LASP1NB: variants seen among roughly 807,000 people sequenced by gnomAD.
The protein encoded by LASP1NB is LASP1 neighbor.
At chr17:38,926,699 CTT>C in the LASP1NB span, 4 of 152,178 alleles carry the variant, frequency 2.6e-5, no homozygotes, top group Admixed American at 6.5e-5. Flanking sequence ...ATTAAGGAAA[CTT>C]AAATTCATTT....
chr17:38,926,298 C>T, the LASP1NB span: 3 of 152,054 alleles, frequency 2.0e-5, no homozygotes, highest in African/African-American at 7.2e-5. Context: ...ATAAATTTTA[C>T]TTGGGGTGGG....
At chr17:38,927,669 C>T in the LASP1NB span, 1 of 152,046 alleles carries the variant, frequency 6.6e-6, no homozygotes, top group Admixed American at 6.6e-5. Flanking sequence ...TTAGTAATAA[C>T]ATTGTGTCCA....
the LASP1NB span, chr17:38,927,442 C>T: frequency 4.6e-5 from 7 of 151,980 alleles, no homozygotes; most frequent in African/African-American, 1.7e-4. Flanking sequence ...GAAACCCCGT[C>T]TCTACTAAAA....
At chr17:38,929,124 AAAT>A in the LASP1NB span, 1 of 152,236 alleles carries the variant, frequency 6.6e-6, no homozygotes, top group Non-Finnish European at 1.5e-5. Context: ...GATTTTAAAA[AAAT>A]AAATCAATAC....
the LASP1NB span, chr17:38,929,285 T>C: frequency 5.9e-5 from 9 of 152,176 alleles, no homozygotes; most frequent in African/African-American, 1.9e-4. Context: ...AATAAAACAC[T>C]GCAAAAAGTT....
the LASP1NB span, among the ~76,000 whole-genome samples, chr17:38,926,092 T>TG: frequency 1.3e-5 from 2 of 151,982 alleles, no homozygotes; most frequent in Non-Finnish European, 2.9e-5. Context: ...ATGGATGTGG[T>TG]GGGGAGGGAC....
the LASP1NB span, chr17:38,926,763 T>C: frequency 6.6e-6 from 1 of 152,108 alleles, no homozygotes; most frequent in African/African-American, 2.4e-5. Flanking sequence ...AATATGTTCC[T>C]TCCTTCTCAC....
chr17:38,925,837 C>T, the LASP1NB span: 24 of 398,054 alleles, frequency 6.0e-5, no homozygotes, highest in East Asian at 7.1e-4. Flanking sequence ...GATGAATGGC[C>T]GAGTGCCCTG....
chr17:38,927,627 A>G, the LASP1NB span: 83 of 152,258 alleles, frequency 5.5e-4, no homozygotes, highest in African/African-American at 1.9e-3. Context: ...AATAAAATAA[A>G]TAAATAAATA....
At chr17:38,928,412 A>G in the LASP1NB span, 5 of 152,256 alleles carry the variant, frequency 3.3e-5, no homozygotes, top group Non-Finnish European at 7.3e-5. Context: ...CAGAATTCCC[A>G]TGGAACGAAC....
chr17:38,925,889 C>T, the LASP1NB span: 30 of 394,938 alleles, frequency 7.6e-5, no homozygotes, highest in East Asian at 5.7e-4. Context: ...GCTGTTATCT[C>T]GGGTATTGAT....
the LASP1NB span, chr17:38,925,799 T>G: frequency 2.5e-6 from 1 of 398,534 alleles, no homozygotes. Context: ...CGGAGCCTGC[T>G]GGAGAACAGC....
At chr17:38,927,092 ATGAGTGTGTG>A in the LASP1NB span, 3 of 140,420 alleles carry the variant, frequency 2.1e-5, no homozygotes, top group African/African-American at 8.0e-5. Context: ...TTACCCCAAA[ATGAGTGTGTG>A]TGTGTGTGTG....
chr17:38,928,774 A>G, the LASP1NB span: 6 of 152,212 alleles, frequency 3.9e-5, no homozygotes, highest in Non-Finnish European at 8.8e-5. Context: ...TAACTCTGGT[A>G]TATCTTAGTG....
At chr17:38,928,315 T>A in the LASP1NB span, 1 of 152,080 alleles carries the variant, frequency 6.6e-6, no homozygotes, top group African/African-American at 2.4e-5. Flanking sequence ...AATAAATAAA[T>A]ACATAAACTT....
the LASP1NB span, chr17:38,925,843 C>T: frequency 2.5e-6 from 1 of 398,182 alleles, no homozygotes; most frequent in Non-Finnish European, 4.4e-6. Context: ...TGGCCGAGTG[C>T]CCTGCTTGCT....
the LASP1NB span, chr17:38,927,460 A>AATT: frequency 6.6e-6 from 1 of 151,916 alleles, no homozygotes; most frequent in Non-Finnish European, 1.5e-5. Context: ...AAAATACAAA[A>AATT]ATTAGTCAGG....
At chr17:38,926,093 G>A in the LASP1NB span, among the ~76,000 whole-genome samples, 9 of 152,200 alleles carry the variant, frequency 5.9e-5, no homozygotes, top group East Asian at 1.7e-3. Flanking sequence ...TGGATGTGGT[G>A]GGGAGGGACT....
the LASP1NB span, chr17:38,925,960 C>T: frequency 2.6e-6 from 1 of 382,744 alleles, no homozygotes; most frequent in Non-Finnish European, 4.6e-6. Context: ...TTTCTTAGAC[C>T]ACTCTGAAAA....
Sources: allele counts gnomAD v4.1 joint callset (sites outside exome capture counted in the v4.1 genomes callset), GRCh38; gene constraint gnomAD v4.1.1; transcripts MANE v1.5; gene names NCBI Gene and HGNC (gene_info 2026-07-23, HGNC 2026-07-21).